WWOX: variants seen among roughly 807,000 people sequenced by gnomAD.
WWOX encodes the protein WW domain containing oxidoreductase, also known as WW domain-containing oxidoreductase.
WWOX carries 69 observed loss-of-function variants against 46.2 expected under a neutral mutation model. The ratio of observed to expected loss-of-function variants is 1.49; its 90% CI spans 1.23 to 1.82. The LOEUF (loss-of-function observed/expected upper bound fraction) is 1.82, where lower values mean the gene tolerates loss of function less well. Among genes scored for constraint, WWOX ranks in the 40% most tolerant of loss-of-function variants. The pLI is 0.00. For missense variants in WWOX, 919 were observed against 542.6 expected (o/e 1.69, Z -6.89); for synonymous variants, 359 against 202.6 (o/e 1.77, Z -6.56).
intron 5 of WWOX, among the ~76,000 whole-genome samples, chr16:78,382,378 C>A (rs1014641944): frequency 4.6e-5 from 7 of 152,210 alleles, no homozygotes; most frequent in African/African-American, 7.2e-5. Context: ...GTGTTACAGA[C>A]AACAGAGGCT....
chr16:78,765,831 G>C (rs888766481), intron 8 of WWOX, among the ~76,000 whole-genome samples: 1 of 152,194 alleles, frequency 6.6e-6, no homozygotes. Context: ...CCTGCCCTGG[G>C]ATGGTGGAGC....
intron 8 of WWOX, among the ~76,000 whole-genome samples, chr16:78,683,947 G>T (rs991631712): frequency 6.6e-6 from 1 of 152,324 alleles, no homozygotes; most frequent in South Asian, 2.1e-4. Context: ...AAAGGAGGCA[G>T]TTTTGGGTAA....
chr16:79,163,141 C>G (rs2050520007), intron 8 of WWOX, among the ~76,000 whole-genome samples: 1 of 151,948 alleles, frequency 6.6e-6, no homozygotes, highest in African/African-American at 2.4e-5. Flanking sequence ...TGTGTGTTTA[C>G]TTGGAGCTGT....
chr16:78,111,819 G>A (rs188353199), intron 3 of WWOX: 2 of 172,430 alleles, frequency 1.2e-5, no homozygotes, highest in South Asian at 1.4e-4. Flanking sequence ...TTTCTTTTAA[G>A]GGCAGAAAAG....
chr16:79,085,403 G>T (rs987085021), intron 8 of WWOX, among the ~76,000 whole-genome samples: 1 of 152,134 alleles, frequency 6.6e-6, no homozygotes, highest in Non-Finnish European at 1.5e-5. Context: ...CCCACTGGGT[G>T]GTCTGCTTTG....
intron 8 of WWOX, among the ~76,000 whole-genome samples, chr16:78,815,288 G>A (rs1481827242): frequency 6.6e-6 from 1 of 151,118 alleles, no homozygotes; most frequent in East Asian, 2.0e-4. Flanking sequence ...TTGTGCCACT[G>A]CACTCCAGCC....
intron 8 of WWOX, among the ~76,000 whole-genome samples, chr16:78,440,081 A>G (rs946952609): frequency 2.0e-5 from 3 of 152,214 alleles, no homozygotes; most frequent in African/African-American, 7.2e-5. Flanking sequence ...TTGAGCCTCT[A>G]GAGTGGCAGG....
At chr16:78,976,958 C>T (rs1265478582) in intron 8 of WWOX, among the ~76,000 whole-genome samples, 1 of 152,168 alleles carries the variant, frequency 6.6e-6, no homozygotes, top group African/African-American at 2.4e-5. Context: ...GATTTGACAC[C>T]TCTTTTTTTG....
At chr16:79,091,314 G>A (rs1459909310) in intron 8 of WWOX, among the ~76,000 whole-genome samples, 1 of 151,586 alleles carries the variant, frequency 6.6e-6, no homozygotes, top group East Asian at 1.9e-4. Context: ...TTTGCTATAT[G>A]CTGATCCCAG....
intron 8 of WWOX, among the ~76,000 whole-genome samples, chr16:79,105,719 G>A (rs2049295430): frequency 6.6e-6 from 1 of 151,102 alleles, no homozygotes; most frequent in Non-Finnish European, 1.5e-5. Flanking sequence ...CTGGAGTGCA[G>A]TAGTGCAATC....
At chr16:78,990,963 C>T (rs2046876241) in intron 8 of WWOX, among the ~76,000 whole-genome samples, 1 of 152,228 alleles carries the variant, frequency 6.6e-6, no homozygotes, top group South Asian at 2.1e-4. Flanking sequence ...GGGAGCTTGT[C>T]TTCAGACCAA....
chr16:78,672,694 G>A (rs16948295), intron 8 of WWOX, among the ~76,000 whole-genome samples: 5,856 of 152,254 alleles, frequency 0.038, 328 homozygotes, highest in African/African-American at 0.13. Flanking sequence ...TTTTAAAAAC[G>A]GGAATGACCA....
intron 8 of WWOX, among the ~76,000 whole-genome samples, chr16:78,600,959 C>G (rs2045608224): frequency 6.6e-6 from 1 of 152,178 alleles, no homozygotes; most frequent in Non-Finnish European, 1.5e-5. Flanking sequence ...GGGCAAGAGA[C>G]TGCCTTTCCT....
In WWOX at chr16:78,483,978, G is replaced by A. The variant is rs112905532; in HGVS notation, c.1056+51226G>A. On this transcript the variant is annotated intron_variant, in intron 8 of 8. Coordinates refer to ENST00000566780, the MANE Select transcript of WWOX (RefSeq NM_016373.4). ...TCTGTTGAAAGATGGGCCCCTTTCA[G>A]GAAAATGGCTTACCTTACTTTTTAG... Among the ~76,000 whole-genome samples, 457 of 152,230 alleles carry A rather than the reference G, an allele frequency of 3.0e-3. 3 individuals are homozygous for A. The highest frequency in any genetic ancestry group is 0.01 in the African/African-American group (432 of 41,552).
chr16:78,250,790 G>A (rs1301394812), intron 5 of WWOX, among the ~76,000 whole-genome samples: 1 of 152,080 alleles, frequency 6.6e-6, no homozygotes, highest in Non-Finnish European at 1.5e-5. Flanking sequence ...GCGGTGGGCT[G>A]GGCAGGAAAA....
At chr16:78,274,490 A>G (rs1178651428) in intron 5 of WWOX, among the ~76,000 whole-genome samples, 1 of 152,196 alleles carries the variant, frequency 6.6e-6, no homozygotes, top group Non-Finnish European at 1.5e-5. Context: ...ACCTAGAACT[A>G]TGCAGAGGTA....
chr16:78,533,920 C>G (rs978053024), intron 8 of WWOX, among the ~76,000 whole-genome samples: 1 of 152,098 alleles, frequency 6.6e-6, no homozygotes, highest in Non-Finnish European at 1.5e-5. Context: ...AGTTGGCTCC[C>G]CAGTAACCAG....
intron 4 of WWOX, among the ~76,000 whole-genome samples, chr16:78,131,951 A>G (rs1392472722): frequency 6.7e-6 from 1 of 150,150 alleles, no homozygotes; most frequent in African/African-American, 2.5e-5. Flanking sequence ...GTTAAAAAGA[A>G]CTTTTGCTAT....
At chr16:79,172,720 A>C (rs1198709556) in intron 8 of WWOX, among the ~76,000 whole-genome samples, 1 of 152,124 alleles carries the variant, frequency 6.6e-6, no homozygotes, top group East Asian at 1.9e-4. Flanking sequence ...TGGAAATATA[A>C]AATTGTAACC....
Sources: gnomAD v4.1 joint callset for allele counts (sites outside exome capture counted in the v4.1 genomes callset) on GRCh38, gnomAD v4.1.1 for gene constraint, MANE v1.5 for transcripts, NCBI Gene and HGNC (gene_info 2026-07-23, HGNC 2026-07-21) for gene names.